ADGRG4: variants seen among roughly 807,000 people sequenced by gnomAD.
The protein encoded by ADGRG4 is adhesion G protein-coupled receptor G4, also known as G protein-coupled receptor 112.
In ADGRG4, 122 loss-of-function variants were observed where a neutral mutation model predicts 126.2. The observed-to-expected ratio is 0.97, with a 90% CI of 0.83 to 1.12. The LOEUF (loss-of-function observed/expected upper bound fraction) is 1.12, where lower values mean the gene tolerates loss of function less well. Ranked by LOEUF, ADGRG4 falls within the 50% of genes most tolerant of loss-of-function variation. The pLI is 0.00. For synonymous variants in ADGRG4, 943 were observed against 838.7 expected, an observed-to-expected ratio of 1.12 and a Z score of -2.15; for missense variants, 2,481 against 2,251.8, an observed-to-expected ratio of 1.10 and a Z score of -2.06.
chrX:136,339,373 A>G (rs188939646), intron 5 of ADGRG4, among the ~76,000 whole-genome samples: 8 of 111,935 alleles, frequency 7.1e-5, no homozygotes, highest in Middle Eastern at 9.3e-3. Context: ...GTCTTCCCAG[A>G]CTGGGTTATG....
In ADGRG4 at chrX:136,346,623, A is replaced by G; in HGVS notation, c.2917A>G (p.Ile973Val). ...ACCCCTGGGTGCTTCTACCACAAGGATATCAGAAACCAGTTTCTCCACTAC... is the reference window on the plus strand; with the variant it reads ...ACCCCTGGGTGCTTCTACCACAAGGGTATCAGAAACCAGTTTCTCCACTAC... ...GEPLGASTTR[I>V]SETSFSTTPT... The change falls in exon 6 of 26, where the codon ATA becomes GTA. Residue 973 changes from isoleucine to valine, a missense_variant. By Grantham distance (29) the Ile-to-Val change is conservative. Coordinates refer to ENST00000394143, the MANE Select transcript of ADGRG4 (RefSeq NM_153834.4). The G allele has an allele frequency of 8.3e-7, 1 of 1,210,300 alleles. No individual in the cohort carries two copies. The highest frequency in any genetic ancestry group is 1.1e-6 in the Non-Finnish European group (1 of 894,220).
chrX:136,305,658 T>C (rs1391170697), intron 3 of ADGRG4, among the ~76,000 whole-genome samples: 1 of 112,549 alleles, frequency 8.9e-6, no homozygotes, highest in African/African-American at 3.2e-5. Context: ...TGGAGTAAGA[T>C]GTGAATATGT....
rs945354981 is a variant in ADGRG4 at position 136,353,364 on chromosome X, T to C, written c.6850T>C (p.Phe2284Leu). The stretch of plus-strand genomic sequence containing the variant: ...GAATTCTATATTTCAGAACAGTGAA[T>C]TTTCTCTTGCTACTCTGGAAACCCA... Reference protein sequence around the residue: ...SLNSIFQNSEFSLATLETQIK... With the variant: ...SLNSIFQNSELSLATLETQIK... Residue 2284 changes from phenylalanine to leucine, a missense_variant, in exon 8 of 26, where the codon TTT (phenylalanine) becomes CTT (leucine). Physicochemically the swap from Phe to Leu is conservative, Grantham distance 22. Transcript: ENST00000394143. 8.3e-7 allele frequency: 1 copy of C among 1,197,678 alleles called. No homozygotes were observed. The highest frequency in any genetic ancestry group is 1.1e-6 in the Non-Finnish European group (1 of 883,256).
chrX:136,375,527 C>T (rs932441596), intron 15 of ADGRG4, among the ~76,000 whole-genome samples: 1 of 112,317 alleles, frequency 8.9e-6, no homozygotes, highest in Non-Finnish European at 1.9e-5. Context: ...TTCCTTTTCA[C>T]CACATCCATG....
chrX:136,403,901 G>A (rs950249448), intron 22 of ADGRG4, among the ~76,000 whole-genome samples: 3 of 111,118 alleles, frequency 2.7e-5, no homozygotes, highest in African/African-American at 9.8e-5. Flanking sequence ...CCACAATCAC[G>A]CGAGAGTAGC....
At chrX:136,370,134 C>T (rs1395430574) in intron 13 of ADGRG4, among the ~76,000 whole-genome samples, 1 of 111,155 alleles carries the variant, frequency 9.0e-6, no homozygotes. Context: ...GAAATACAGA[C>T]AGAGAGAGAG....
rs772818899 is a variant in ADGRG4 at position 136,345,201 on chromosome X, A to G, written c.1495A>G (p.Lys499Glu). Residue 499 changes from lysine (K) to glutamate (E), a missense_variant, in exon 6 of 26, where the codon AAA (lysine) becomes GAA (glutamate). By Grantham distance (56) the Lys-to-Glu change is moderately conservative. Transcript: ENST00000394143. Reference sequence around the variant, plus strand: ...ATTTCCATTGGCAACAACTGATATGAAAATAGCATTTACAGTCCATTCATT... The same window carrying G: ...ATTTCCATTGGCAACAACTGATATGGAAATAGCATTTACAGTCCATTCATT... ...TAFPLATTDMKIAFTVHSLTL... is the reference protein window; with the variant it reads ...TAFPLATTDMEIAFTVHSLTL... 9.9e-6 allele frequency: 12 copies of G among 1,208,639 alleles called. No homozygotes were observed. The highest frequency in any genetic ancestry group is 1.2e-5 in the Non-Finnish European group (11 of 893,829).
Position 136,347,696 on chromosome X carries a change from A to C in ADGRG4, c.3990A>C (p.Ser1330=). 8.3e-7 allele frequency: 1 copy of C among 1,209,917 alleles called. No individual in the cohort carries two copies. Among genetic ancestry groups the C allele is most frequent in the African/African-American group, 1.7e-5 (1 of 57,744 alleles). ...LGTPSDGNLA[S]SPTSGSTQIT... ...CTCCCTCTGATGGAAATTTGGCTTC[A>C]TCTCCCACTTCTGGAAGCACACAGA... The change falls in exon 6 of 26, where the codon TCA becomes TCC. Residue 1330 remains serine (S), a synonymous_variant. Transcript: ENST00000394143.
At chrX:136,359,225 A>G (rs770901643) in intron 10 of ADGRG4, 67 bp from the exon 11 acceptor site, 98 of 936,197 alleles carry the variant, frequency 1.0e-4, no homozygotes, top group Non-Finnish European at 1.4e-4. Context: ...GAATTTCTGC[A>G]TTGCAGGCCA....
At chrX:136,410,669 G>A (rs985253539) in intron 23 of ADGRG4, among the ~76,000 whole-genome samples, 1 of 111,727 alleles carries the variant, frequency 9.0e-6, no homozygotes, top group Non-Finnish European at 1.9e-5. Flanking sequence ...ATGGATGTGC[G>A]AGTTTGTGTA....
At chrX:136,369,627 A>G (rs1208697400) in intron 13 of ADGRG4, among the ~76,000 whole-genome samples, 2 of 112,474 alleles carry the variant, frequency 1.8e-5, no homozygotes, top group South Asian at 3.7e-4. Flanking sequence ...TCCATTTTAA[A>G]CAAAGTCTGA....
chrX:136,404,779 C>T (rs147104373), intron 22 of ADGRG4, among the ~76,000 whole-genome samples: 42 of 112,011 alleles, frequency 3.7e-4, no homozygotes, highest in African/African-American at 1.1e-3. Flanking sequence ...ATTCAGGGAA[C>T]TCTAGGTGTC....
chrX:136,307,060 C>T (rs1222638026), intron 3 of ADGRG4, among the ~76,000 whole-genome samples: 2 of 111,856 alleles, frequency 1.8e-5, no homozygotes, highest in African/African-American at 6.5e-5. Context: ...GTAAATGTCC[C>T]ATGATTTATT....
At position 136,371,447 on chromosome X, in the gene ADGRG4, A is replaced by G; in HGVS notation, c.7516A>G (p.Ile2506Val). The G allele has an allele frequency of 8.4e-7, 1 of 1,188,908 alleles. No individual in the cohort carries two copies. The change falls in exon 14 of 26, where the codon ATA becomes GTA. Residue 2506 changes from isoleucine (I) to valine (V), a missense_variant. Transcript: ENST00000394143. ...KISDISQCDE[I>V]SMNLTHVMLQ... ...ATCAGATATTTCACAATGTGATGAG[A>G]TAAGTATGAACCTAACTCATGTTAT...
At chrX:136,353,965 C>T (rs372226805) in intron 8 of ADGRG4, among the ~76,000 whole-genome samples, 3 of 111,361 alleles carry the variant, frequency 2.7e-5, no homozygotes, top group Non-Finnish European at 5.7e-5. Context: ...TGTATTCTTT[C>T]GCTGCACATA....
Position 136,405,672 on chromosome X carries a change from GTCT to G in ADGRG4, c.8655-15_8655-13del. On this transcript the variant is annotated splice_polypyrimidine_tract_variant and intron_variant, in intron 22 of 25. Coordinates refer to ENST00000394143, the MANE Select transcript of ADGRG4 (RefSeq NM_153834.4). ...CTTTATGTTTCCCTATCTCATGATA[GTCT>G]TCTTTGTTTCTTACAGTTGTTGGAT... 3 of 1,111,855 alleles carry G rather than the reference GTCT, an allele frequency of 2.7e-6. No homozygotes were observed. Among genetic ancestry groups the G allele is most frequent in the Admixed American group, 2.7e-5 (1 of 36,944 alleles). The allele number at this position is 1,111,855 out of a possible 1,213,427, so 91.6% of individuals were successfully genotyped here.
At chrX:136,385,388 A>T (rs2075287635) in intron 15 of ADGRG4, among the ~76,000 whole-genome samples, 1 of 112,163 alleles carries the variant, frequency 8.9e-6, no homozygotes, top group African/African-American at 3.2e-5. Flanking sequence ...TATGTTATAT[A>T]CCTTAAATAC....
intron 5 of ADGRG4, among the ~76,000 whole-genome samples, chrX:136,338,548 C>A (rs889670808): frequency 8.9e-6 from 1 of 111,884 alleles, no homozygotes; most frequent in Non-Finnish European, 1.9e-5. Flanking sequence ...ACCTATGAAC[C>A]CATCACCTTG....
intron 20 of ADGRG4, among the ~76,000 whole-genome samples, chrX:136,398,538 A>T (rs911545705): frequency 8.9e-6 from 1 of 111,998 alleles, no homozygotes; most frequent in Non-Finnish European, 1.9e-5. Flanking sequence ...TCTTTACATC[A>T]TTACTCATCA....
Sources: gnomAD v4.1 joint callset for allele counts (sites outside exome capture counted in the v4.1 genomes callset) on GRCh38, gnomAD v4.1.1 for gene constraint, MANE v1.5 for transcripts, NCBI Gene and HGNC (gene_info 2026-07-23, HGNC 2026-07-21) for gene names.